Variants in CHD9 observed in about 807,000 individuals in gnomAD.
The protein encoded by CHD9 is chromodomain helicase DNA binding protein 9.
In CHD9, 77 loss-of-function variants were observed where a neutral mutation model predicts 316.1. That is an observed-to-expected ratio of 0.24 (90% CI 0.20 to 0.29). The LOEUF (loss-of-function observed/expected upper bound fraction) is 0.29, where lower values mean the gene tolerates loss of function less well. Among genes scored for constraint, CHD9 ranks in the 10% least tolerant of loss-of-function variants. The pLI, the probability that CHD9 is intolerant of heterozygous loss-of-function variation, is 1.00. For missense variants in CHD9, 2,763 were observed against 3,438.1 expected, an observed-to-expected ratio of 0.80 and a Z score of 4.91; for synonymous variants, 1,129 against 1,158.3, an observed-to-expected ratio of 0.97 and a Z score of 0.51.
In CHD9 at chr16:53,324,884, A is replaced by G; in HGVS notation, c.8683A>G (p.Asn2895Asp). The change falls in exon 39 of 39, where the codon AAT becomes GAT. Residue 2895 changes from asparagine (N) to aspartate (D), a missense_variant. This residue lies in a region of CHD9 where 298 missense variants were observed against 380.2 expected (regional missense o/e 0.78). Transcript: ENST00000447540. ...GTCATCTGAGGATTCAGATTCTAGT[A>G]ATGAAGACTGATTCCCAGACTCTGC... Reference protein sequence around the residue: ...SSSSEDSDSSNED With the variant: ...SSSSEDSDSSDED 1 of 1,585,894 alleles carries G rather than the reference A, an allele frequency of 6.3e-7. No homozygotes were observed. The highest frequency in any genetic ancestry group is 8.6e-7 in the Non-Finnish European group (1 of 1,169,026).
intron 1 of CHD9, among the ~76,000 whole-genome samples, chr16:53,084,852 G>A (rs562425885): frequency 6.6e-4 from 100 of 152,284 alleles, no homozygotes; most frequent in African/African-American, 2.3e-3. Flanking sequence ...CAAGTCTTTC[G>A]TGGTATGCCT....
At chr16:53,116,485 T>C (rs2038315433) in intron 1 of CHD9, among the ~76,000 whole-genome samples, 1 of 152,134 alleles carries the variant, frequency 6.6e-6, no homozygotes. Flanking sequence ...ATAGAGAGGG[T>C]TCTGCTTTGC....
rs202012483 is a variant in CHD9 at position 53,243,163 on chromosome 16, G to A, written c.3054+147G>A. The A allele has an allele frequency of 2.4e-5, 13 of 534,770 alleles. No individual in the cohort carries two copies. In the East Asian group the frequency reaches 3.6e-4, roughly 15 times the overall value. 33.1% of individuals were successfully genotyped at this position (534,770 alleles called of 1,614,324 possible). A position where few individuals can be genotyped will look rare whatever the true frequency, so the allele number is the denominator to read the frequency against. ...CTGTGATAATTGAGATTTTTTGGGG[G>A]GCCTTAATTTGTAAGAAAAAAAATT... On this transcript the variant is annotated intron_variant, in intron 13 of 38. Coordinates refer to ENST00000447540, the MANE Select transcript of CHD9 (RefSeq NM_001308319.2).
At chr16:53,273,566 C>G (rs1412155233) in intron 22 of CHD9, 60 bp from the exon 23 acceptor site, 2 of 1,335,244 alleles carry the variant, frequency 1.5e-6, no homozygotes, top group Non-Finnish European at 2.0e-6. Flanking sequence ...TTGAAACAAT[C>G]TTTCAGATTG....
At chr16:53,135,855 GTTTA>G (rs1489671652) in intron 1 of CHD9, among the ~76,000 whole-genome samples, 3 of 152,126 alleles carry the variant, frequency 2.0e-5, no homozygotes. Flanking sequence ...GTTTTTGAAA[GTTTA>G]TTTGAATATT....
chr16:53,185,013 C>G (rs2094507029), intron 2 of CHD9, among the ~76,000 whole-genome samples: 1 of 152,306 alleles, frequency 6.6e-6, no homozygotes, highest in African/African-American at 2.4e-5. Flanking sequence ...AAACCTCTTT[C>G]CTTTATACAT....
chr16:53,270,539 A>G (rs2052149603), intron 22 of CHD9, among the ~76,000 whole-genome samples: 2 of 152,120 alleles, frequency 1.3e-5, no homozygotes, highest in Admixed American at 1.3e-4. Context: ...GATTTATTAC[A>G]TTTACTTCAA....
At chr16:53,124,863 C>T (rs147645921) in intron 1 of CHD9, among the ~76,000 whole-genome samples, 8 of 152,316 alleles carry the variant, frequency 5.3e-5, no homozygotes, top group Admixed American at 5.2e-4. Context: ...CCTCCCACTA[C>T]ACGTGGGAAT....
Position 53,156,281 on chromosome 16 carries a change from G to C in CHD9, c.192G>C (p.Lys64Asn), listed in dbSNP as rs1226941800. Residue 64 changes from lysine to asparagine, a missense_variant, in exon 2 of 39, where the codon AAG (lysine) becomes AAC (asparagine). By Grantham distance (94) the Lys-to-Asn change is moderately conservative. This residue lies in a region of CHD9 where 859 missense variants were observed against 890.4 expected (regional missense o/e 0.96). Coordinates refer to ENST00000447540, the MANE Select transcript of CHD9 (RefSeq NM_001308319.2). ...NHVQGTPTHQ[K>N]MTDFEQLNQF... Reference sequence around the variant, plus strand: ...TTCAAGGTACTCCAACACATCAGAAGATGACTGATTTTGAACAGTTAAATC... The same window carrying C: ...TTCAAGGTACTCCAACACATCAGAACATGACTGATTTTGAACAGTTAAATC... 1 of 1,613,920 alleles carries C rather than the reference G, an allele frequency of 6.2e-7. No individual in the cohort carries two copies. The highest frequency in any genetic ancestry group is 8.5e-7 in the Non-Finnish European group (1 of 1,179,832).
At chr16:53,078,491 C>T (rs1044582401) in intron 1 of CHD9, among the ~76,000 whole-genome samples, 2 of 152,194 alleles carry the variant, frequency 1.3e-5, no homozygotes, top group African/African-American at 4.8e-5. Flanking sequence ...TCCCAGCCTC[C>T]AGAGCTATGA....
chr16:53,247,696 A>T (rs890466586), intron 16 of CHD9, 193 bp downstream of exon 16: 17 of 551,276 alleles, frequency 3.1e-5, no homozygotes, highest in Non-Finnish European at 4.8e-5. Context: ...GCAATATTAG[A>T]TGTGCCTGAG....
intron 2 of CHD9, among the ~76,000 whole-genome samples, chr16:53,172,455 G>T (rs1049621570): frequency 6.6e-6 from 1 of 152,156 alleles, no homozygotes; most frequent in Non-Finnish European, 1.5e-5. Context: ...CCCGTTTGGG[G>T]TTATTATCAA....
At chr16:53,124,899 G>A (rs2152664251) in intron 1 of CHD9, among the ~76,000 whole-genome samples, 1 of 152,280 alleles carries the variant, frequency 6.6e-6, no homozygotes, top group African/African-American at 2.4e-5. Context: ...TCGAGTTTTG[G>A]GTGGGGACAC....
chr16:53,180,794 T>G (rs1597319805), intron 2 of CHD9, among the ~76,000 whole-genome samples: 1 of 152,016 alleles, frequency 6.6e-6, no homozygotes, highest in African/African-American at 2.4e-5. Flanking sequence ...TGCCTCAGCC[T>G]CCCCAGTATT....
intron 27 of CHD9, among the ~76,000 whole-genome samples, chr16:53,289,510 G>T (rs571138843): frequency 6.6e-6 from 1 of 152,316 alleles, no homozygotes; most frequent in Non-Finnish European, 1.5e-5. Flanking sequence ...AGGGAGAAAT[G>T]ATTTGGAAAA....
intron 27 of CHD9, among the ~76,000 whole-genome samples, chr16:53,288,751 A>G (rs1392764623): frequency 1.3e-5 from 2 of 152,102 alleles, no homozygotes; most frequent in Non-Finnish European, 2.9e-5. Context: ...TAGCAAGGAA[A>G]TTTATCTCAT....
chr16:53,289,482 A>G (rs1349054499), intron 27 of CHD9, among the ~76,000 whole-genome samples: 1 of 152,212 alleles, frequency 6.6e-6, no homozygotes. Flanking sequence ...GGAAAAGCAG[A>G]TAAGACACAG....
In CHD9 at chr16:53,108,942, A is replaced by C. The variant is rs140795496; in HGVS notation, c.-164-46984A>C. 5.8e-4 allele frequency among the ~76,000 whole-genome samples: 89 copies of C among 152,326 alleles called. 1 individual carries two copies. The East Asian group carries it at 0.014, about 23-fold the overall frequency. On this transcript the variant is annotated intron_variant, in intron 1 of 38. Coordinates refer to ENST00000447540, the MANE Select transcript of CHD9 (RefSeq NM_001308319.2). ...ATAAAGTAATGAAACCTCTGTGTGAATATCTGATACTTTGGTAAGTTTTCA... is the reference window on the plus strand; with the variant it reads ...ATAAAGTAATGAAACCTCTGTGTGACTATCTGATACTTTGGTAAGTTTTCA...
At chr16:53,237,495 C>A (rs535402164) in intron 11 of CHD9, among the ~76,000 whole-genome samples, 1 of 152,114 alleles carries the variant, frequency 6.6e-6, no homozygotes, top group Non-Finnish European at 1.5e-5. Context: ...ATTTATGACC[C>A]TACTTACCTC....
Sources: gnomAD v4.1 joint callset for allele counts (sites outside exome capture counted in the v4.1 genomes callset) on GRCh38, gnomAD v4.1.1 for gene constraint, gnomAD v4.1.1 regional missense constraint, MANE v1.5 for transcripts, NCBI Gene and HGNC (gene_info 2026-07-23, HGNC 2026-07-21) for gene names.